The following SLCO6A1 variants were observed in gnomAD, a reference collection of about 807,000 sequenced individuals.
SLCO6A1 encodes cancer/testis antigen 48.
SLCO6A1 carries 65 observed loss-of-function variants against 72.7 expected under a neutral mutation model. The observed-to-expected ratio is 0.89, with a 90% confidence interval of 0.73 to 1.10. SLCO6A1 has a LOEUF of 1.10. SLCO6A1 is among the 50% of genes least tolerant of loss of function. SLCO6A1 has a pLI of 0.00. For missense variants in SLCO6A1, 874 were observed against 872.6 expected, an observed-to-expected ratio of 1.00 and a Z score of -0.02; for synonymous variants, 314 against 298.2, an observed-to-expected ratio of 1.05 and a Z score of -0.55.
intron 1 of SLCO6A1, among the ~76,000 whole-genome samples, chr5:102,493,677 T>C (rs539415613): frequency 6.6e-6 from 1 of 152,214 alleles, no homozygotes; most frequent in South Asian, 2.1e-4. Context: ...ACAAAAAGCA[T>C]CCAGATTGGG....
chr5:102,437,197 A>T (rs2112674858), intron 7 of SLCO6A1, among the ~76,000 whole-genome samples: 1 of 152,264 alleles, frequency 6.6e-6, no homozygotes, highest in East Asian at 1.9e-4. Flanking sequence ...CATTCCTGGA[A>T]AGCACTCTGC....
chr5:102,411,095 T>C (rs999120034), intron 9 of SLCO6A1, among the ~76,000 whole-genome samples: 1 of 152,094 alleles, frequency 6.6e-6, no homozygotes, highest in Non-Finnish European at 1.5e-5. Flanking sequence ...TTAAGTAGCA[T>C]AGAGCTAAGA....
intron 7 of SLCO6A1, among the ~76,000 whole-genome samples, chr5:102,432,660 T>C (rs931382665): frequency 8.5e-5 from 13 of 152,194 alleles, no homozygotes; most frequent in Non-Finnish European, 5.9e-5. Flanking sequence ...TCTAATAAGC[T>C]TTCCTTTGTA....
intron 4 of SLCO6A1, among the ~76,000 whole-genome samples, chr5:102,461,720 A>C (rs1192273923): frequency 6.6e-6 from 1 of 152,148 alleles, no homozygotes; most frequent in Non-Finnish European, 1.5e-5. Context: ...TGTTGAAGGA[A>C]AAAGAGAAGC....
intron 9 of SLCO6A1, among the ~76,000 whole-genome samples, chr5:102,411,119 G>C (rs1309512189): frequency 6.6e-6 from 1 of 152,052 alleles, no homozygotes; most frequent in African/African-American, 2.4e-5. Flanking sequence ...ACTACATAGG[G>C]GAAGGTTCTC....
At chr5:102,372,480 T>C (rs1195730281) in intron 13 of SLCO6A1, among the ~76,000 whole-genome samples, 2 of 151,682 alleles carry the variant, frequency 1.3e-5, no homozygotes, top group African/African-American at 4.9e-5. Context: ...TACAATAATG[T>C]ATAAAAAATT....
intron 8 of SLCO6A1, among the ~76,000 whole-genome samples, chr5:102,416,442 G>A (rs916605222): frequency 1.1e-4 from 16 of 151,880 alleles, no homozygotes; most frequent in Non-Finnish European, 1.3e-4. Context: ...TAGATGAAAC[G>A]GGAAGTCATT....
At chr5:102,466,969 C>A (rs1751343986) in intron 4 of SLCO6A1, among the ~76,000 whole-genome samples, 1 of 152,056 alleles carries the variant, frequency 6.6e-6, no homozygotes. Flanking sequence ...TGTAGGTTGT[C>A]TGTTTACTCT....
chr5:102,388,594 C>T (rs1452623839), intron 12 of SLCO6A1, 94 bp downstream of exon 12: 3 of 964,326 alleles, frequency 3.1e-6, no homozygotes, highest in African/African-American at 3.4e-5. Context: ...TTATTTAATT[C>T]ATGGTTTAAA....
intron 6 of SLCO6A1, 133 bp from the exon 7 acceptor site, chr5:102,438,894 TAGATGATAGATA>T (rs1213740527): frequency 4.1e-6 from 2 of 492,236 alleles, no homozygotes; most frequent in Admixed American, 8.1e-5. Flanking sequence ...AATTGATAGA[TAGATGATAGATA>T]GATAGATAGA....
At chr5:102,468,764 G>A (rs192701654) in intron 4 of SLCO6A1, among the ~76,000 whole-genome samples, 13 of 152,104 alleles carry the variant, frequency 8.5e-5, no homozygotes, top group African/African-American at 1.2e-4. Flanking sequence ...CAGATACTTC[G>A]TTTTCTTCTA....
At chr5:102,401,249 A>G (rs1747383245) in intron 9 of SLCO6A1, among the ~76,000 whole-genome samples, 1 of 152,098 alleles carries the variant, frequency 6.6e-6, no homozygotes, top group South Asian at 2.1e-4. Flanking sequence ...TTGAAAGAAA[A>G]ACAAGAACAG....
At chr5:102,468,086 T>G (rs371854789) in intron 4 of SLCO6A1, among the ~76,000 whole-genome samples, 1 of 152,136 alleles carries the variant, frequency 6.6e-6, no homozygotes, top group East Asian at 1.9e-4. Context: ...ATTTCATTAT[T>G]GATCCAATAA....
At position 102,421,592 on chromosome 5, in the gene SLCO6A1, C is replaced by A. The variant is rs1748609284; in HGVS notation, c.1277-1571G>T. On this transcript the variant is annotated intron_variant, in intron 7 of 13. Coordinates refer to ENST00000506729, the MANE Select transcript of SLCO6A1 (RefSeq NM_173488.5). ...CTTGATTCCTCCTCACTGGGCAGGG[C>A]ATCCTTGAAAGAAAAGCAGCAGCCC... Among the ~76,000 whole-genome samples, 2 of 152,128 alleles carry A rather than the reference C, an allele frequency of 1.3e-5. 1 individual carries two copies. Among genetic ancestry groups the A allele is most frequent in the South Asian group, 4.1e-4 (2 of 4,824 alleles).
intron 6 of SLCO6A1, among the ~76,000 whole-genome samples, chr5:102,447,974 T>C (rs527400857): frequency 3.3e-5 from 5 of 152,260 alleles, no homozygotes; most frequent in African/African-American, 9.6e-5. Context: ...GATTGTTAAT[T>C]TGAGACATTT....
At chr5:102,470,962 T>A (rs537640807) in intron 4 of SLCO6A1, among the ~76,000 whole-genome samples, 3 of 152,172 alleles carry the variant, frequency 2.0e-5, no homozygotes, top group African/African-American at 7.2e-5. Context: ...AATAAAGGTG[T>A]CATGTGGACA....
At chr5:102,437,770 T>G (rs1407838288) in intron 7 of SLCO6A1, among the ~76,000 whole-genome samples, 3 of 152,178 alleles carry the variant, frequency 2.0e-5, no homozygotes, top group Non-Finnish European at 4.4e-5. Context: ...TTCCTTTCTT[T>G]TTTTAATTAA....
At chr5:102,471,859 C>T (rs1751644699) in intron 4 of SLCO6A1, among the ~76,000 whole-genome samples, 2 of 151,972 alleles carry the variant, frequency 1.3e-5, no homozygotes, top group African/African-American at 4.8e-5. Context: ...CACAGTATAA[C>T]ATTCTGGGGC....
chr5:102,405,741 G>A (rs1747635428), intron 9 of SLCO6A1, among the ~76,000 whole-genome samples: 1 of 151,982 alleles, frequency 6.6e-6, no homozygotes, highest in South Asian at 2.1e-4. Flanking sequence ...CATGAATGAT[G>A]AATATTAAAT....
Sources: gnomAD v4.1 joint callset for allele counts (sites outside exome capture counted in the v4.1 genomes callset) on GRCh38, gnomAD v4.1.1 for gene constraint, MANE v1.5 for transcripts, NCBI Gene and HGNC (gene_info 2026-07-23, HGNC 2026-07-21) for gene names.